Variants in SUGP2 observed in about 807,000 individuals in gnomAD.
SUGP2 encodes SURP and G-patch domain-containing protein 2.
A neutral mutation model predicts 90.5 loss-of-function variants in SUGP2; 24 were observed. The observed-to-expected ratio is 0.27, with a 90% CI of 0.19 to 0.37. SUGP2 has a LOEUF of 0.37. Among genes scored for constraint, SUGP2 ranks in the 10% least tolerant of loss-of-function variants. The pLI, the probability that SUGP2 is intolerant of heterozygous loss-of-function variation, is 1.00. For missense variants in SUGP2, 1,233 were observed against 1,363.3 expected (o/e 0.90, Z 1.51); for synonymous variants, 473 against 513.4 (o/e 0.92, Z 1.06).
At chr19:19,033,395 C>T (rs1282763481) in intron 1 of SUGP2, 42 bp downstream of exon 1, 5 of 1,264,520 alleles carry the variant, frequency 4.0e-6, no homozygotes, top group Admixed American at 4.1e-5. Context: ...AGCTTCCCAC[C>T]CCGGGAGCCA....
At chr19:18,999,815 C>G (rs982816082) in intron 8 of SUGP2, among the ~76,000 whole-genome samples, 25 of 152,188 alleles carry the variant, frequency 1.6e-4, no homozygotes, top group Admixed American at 1.3e-4. Context: ...CTGTGTCCCC[C>G]AGGCCATCTG....
At chr19:19,023,733 A>C (rs117143105) in intron 3 of SUGP2, among the ~76,000 whole-genome samples, 17,344 of 151,994 alleles carry the variant, frequency 0.11, 1,373 homozygotes, top group Middle Eastern at 0.18. Flanking sequence ...CTACAAAAAA[A>C]TACAAAAAAA....
At chr19:19,009,670 C>T (rs992420390) in intron 5 of SUGP2, among the ~76,000 whole-genome samples, 185 bp downstream of exon 5, 3 of 152,170 alleles carry the variant, frequency 2.0e-5, no homozygotes, top group African/African-American at 4.8e-5. Flanking sequence ...CTGCAGGACT[C>T]GCATGCAGCT....
chr19:19,014,195 G>A (rs2058408910), intron 4 of SUGP2, among the ~76,000 whole-genome samples: 1 of 152,154 alleles, frequency 6.6e-6, no homozygotes, highest in African/African-American at 2.4e-5. Context: ...GTTTCATCAT[G>A]TTGGCCAGGC....
chr19:19,033,606 G>C (rs1274824932), upstream of SUGP2: 3 of 1,179,460 alleles, frequency 2.5e-6, no homozygotes, highest in Non-Finnish European at 3.1e-6. Context: ...GGCCGCCGCG[G>C]CCCGGCTCTC....
rs1411679084 is a variant in SUGP2 at position 19,001,626 on chromosome 19, A to G, written c.2978T>C (p.Met993Thr). The G allele has an allele frequency of 6.2e-7, 1 of 1,614,236 alleles. No individual in the cohort carries two copies. The highest frequency in any genetic ancestry group is 2.2e-5 in the East Asian group (1 of 44,882). The part of the protein sequence containing the change: ...IAYDRPRGRP[M>T]SKKKKPKDLD... ...GATTACGCTCACCTTCTTTTTGGAC[A>G]TGGGACGACCCCGAGGCCTGTCATA... Residue 993 changes from methionine to threonine, a missense_variant, in exon 8 of 11, where the codon ATG becomes ACG. By Grantham distance (81) the Met-to-Thr change is moderately conservative. Around this residue, in one of 8 missense-constraint regions of SUGP2, gnomAD observed 105 missense variants for 155.2 expected, o/e 0.68. Coordinates refer to ENST00000452918, the MANE Select transcript of SUGP2 (RefSeq NM_001017392.5).
intron 9 of SUGP2, 177 bp from the exon 10 acceptor site, chr19:18,994,663 G>A (rs1015597491): frequency 2.2e-5 from 20 of 889,578 alleles, no homozygotes; most frequent in Middle Eastern, 3.6e-4. Flanking sequence ...ACTCACCCTC[G>A]AAGAGCTGGC....
chr19:19,006,073 A>G (rs1023198929), intron 6 of SUGP2, among the ~76,000 whole-genome samples: 2 of 152,058 alleles, frequency 1.3e-5, no homozygotes, highest in Non-Finnish European at 2.9e-5. Context: ...TACTAAAAAT[A>G]CAAAAATTAG....
At chr19:19,023,391 A>G (rs2058802281) in intron 3 of SUGP2, among the ~76,000 whole-genome samples, 1 of 152,112 alleles carries the variant, frequency 6.6e-6, no homozygotes, top group South Asian at 2.1e-4. Context: ...TCACAGATGC[A>G]ATCATAGGTC....
chr19:19,025,326 A>G lies in SUGP2; in HGVS notation c.1022T>C (p.Ile341Thr). ...TTGGGAAAATTTAATATCATCTTTTATGGTGTGGAATCCTGCCCATTTGAT... is the reference window on the plus strand; with the variant it reads ...TTGGGAAAATTTAATATCATCTTTTGTGGTGTGGAATCCTGCCCATTTGAT... ...EIIKWAGFHTIKDDIKFSQLF... is the reference protein window; with the variant it reads ...EIIKWAGFHTTKDDIKFSQLF... Residue 341 changes from isoleucine to threonine, a missense_variant, in exon 3 of 11, where the codon ATA (isoleucine) becomes ACA (threonine). Around this residue, in one of 8 missense-constraint regions of SUGP2, gnomAD observed 55 missense variants for 82.0 expected, o/e 0.67. Transcript: ENST00000452918. 2 of 1,613,776 alleles carry G rather than the reference A, an allele frequency of 1.2e-6. No individual in the cohort carries two copies. The highest frequency in any genetic ancestry group is 1.7e-6 in the Non-Finnish European group (2 of 1,179,936).
rs2058916720 is a variant in SUGP2 at position 19,026,075 on chromosome 19, T to C, written c.273A>G (p.Arg91=). 6.2e-7 allele frequency: 1 copy of C among 1,614,082 alleles called. No homozygotes were observed. The highest frequency in any genetic ancestry group is 8.5e-7 in the Non-Finnish European group (1 of 1,180,030). ...RSDVFPGPSF[R]SSNPSISDDS... is the part of the protein sequence containing the mutation. ...CATCACTGATGGAAGGGTTGCTTGA[T>C]CTGAAGGAAGGCCCTGGAAATACGT... The change falls in exon 3 of 11, where the codon AGA becomes AGG. Residue 91 remains arginine (R), a synonymous_variant. Coordinates refer to ENST00000452918, the MANE Select transcript of SUGP2 (RefSeq NM_001017392.5).
At chr19:19,022,711 G>A (rs1319530572) in intron 3 of SUGP2, among the ~76,000 whole-genome samples, 2 of 152,162 alleles carry the variant, frequency 1.3e-5, no homozygotes, top group African/African-American at 4.8e-5. Context: ...ACTTTGTGAG[G>A]GATTGGGGAG....
Position 19,016,971 on chromosome 19 carries a change from C to T in SUGP2, c.1850+2138G>A, listed in dbSNP as rs369207814. 3.5e-4 allele frequency among the ~76,000 whole-genome samples: 54 copies of T among 152,314 alleles called. 1 individual carries two copies. The East Asian group carries it at 6.0e-3, about 17-fold the overall frequency. On this transcript the variant is annotated intron_variant, in intron 4 of 10. Coordinates refer to ENST00000452918, the MANE Select transcript of SUGP2 (RefSeq NM_001017392.5). ...GTAAAAATAAAACCACAATAAGCTC[C>T]AACCTTCCCCTTGGTAAATCATGGT...
rs762747621 is a variant in SUGP2 at position 19,008,302 on chromosome 19, C to T, written c.2450+15G>A. The T allele has an allele frequency of 8.1e-6, 13 of 1,595,356 alleles. No homozygotes were observed. Among genetic ancestry groups the T allele is most frequent in the Non-Finnish European group, 1.0e-5 (12 of 1,163,204 alleles). On this transcript the variant is annotated intron_variant, in intron 6 of 10. Transcript: ENST00000452918. ...AGAAAGAAAAAGGTGTGATGAGACC[C>T]GGGGGGGTACGTACCACAGGTCAGG...
intron 7 of SUGP2, among the ~76,000 whole-genome samples, chr19:19,003,088 C>G (rs180717519): frequency 2.0e-5 from 3 of 152,256 alleles, no homozygotes; most frequent in African/African-American, 4.8e-5. Flanking sequence ...ATTACAGGCA[C>G]GAGCCACTGC....
chr19:19,033,517 C>A lies in SUGP2; in HGVS notation c.-92G>T, dbSNP rs771746290. 1 of 1,403,998 alleles carries A rather than the reference C, an allele frequency of 7.1e-7. No homozygotes were observed. The highest frequency in any genetic ancestry group is 1.4e-5 in the South Asian group (1 of 73,832). The allele number at this position is 1,403,998 out of a possible 1,614,324, so 87.0% of individuals were successfully genotyped here. A position where few individuals can be genotyped will look rare whatever the true frequency, so the allele number is the denominator to read the frequency against. On this transcript the variant is annotated 5_prime_UTR_variant, in exon 1 of 11. Transcript: ENST00000452918. ...CCGCCGCCGCCGCGCGAGGCGGGGA[C>A]ATGCAAATGAACCAACGGTCTCCGC... is the stretch of plus-strand genomic sequence containing the variant.
At chr19:19,015,494 T>C (rs2058466989) in intron 4 of SUGP2, among the ~76,000 whole-genome samples, 1 of 152,162 alleles carries the variant, frequency 6.6e-6, no homozygotes, top group Non-Finnish European at 1.5e-5. Context: ...TCTTACAGTC[T>C]CTTGGTAATT....
intron 8 of SUGP2, among the ~76,000 whole-genome samples, chr19:18,995,697 G>A (rs2057547779): frequency 6.6e-6 from 1 of 152,134 alleles, no homozygotes; most frequent in African/African-American, 2.4e-5. Flanking sequence ...CAGGATGGGG[G>A]CCAGACAGTG....
chr19:19,009,338 A>G (rs2058211277), intron 5 of SUGP2, among the ~76,000 whole-genome samples: 1 of 152,120 alleles, frequency 6.6e-6, no homozygotes, highest in South Asian at 2.1e-4. Context: ...CACTGGCCAG[A>G]GAGCAGGCCT....
Sources: allele counts gnomAD v4.1 joint callset (sites outside exome capture counted in the v4.1 genomes callset), GRCh38; gene constraint gnomAD v4.1.1; regional missense constraint gnomAD v4.1.1; transcripts MANE v1.5; gene names NCBI Gene and HGNC (gene_info 2026-07-23, HGNC 2026-07-21).